Variants in ZNF804B observed in about 807,000 individuals in gnomAD.
ZNF804B encodes the protein zinc finger 804B.
In ZNF804B, 80 loss-of-function variants were observed where a neutral mutation model predicts 101.4. That is an observed-to-expected ratio of 0.79 (90% CI 0.66 to 0.95). The LOEUF (loss-of-function observed/expected upper bound fraction) is 0.95. Among genes scored for constraint, ZNF804B ranks in the 40% least tolerant of loss-of-function variants. The pLI, the probability that ZNF804B is intolerant of heterozygous loss-of-function variation, is 0.00. For missense variants in ZNF804B, 1,673 were observed against 1,561.9 expected (o/e 1.07, Z -1.20); for synonymous variants, 622 against 558.8 (o/e 1.11, Z -1.59).
intron 1 of ZNF804B, among the ~76,000 whole-genome samples, chr7:89,108,211 T>C (rs931511879): frequency 7.1e-6 from 1 of 141,390 alleles, no homozygotes; most frequent in Non-Finnish European, 1.5e-5. Flanking sequence ...TATGAAGTTA[T>C]ATAATTAGCT....
intron 2 of ZNF804B, among the ~76,000 whole-genome samples, chr7:89,272,343 A>G (rs925577164): frequency 9.2e-4 from 140 of 152,222 alleles, no homozygotes; most frequent in African/African-American, 3.3e-3. Context: ...TCTAAATTGG[A>G]ATCATAATTT....
chr7:88,971,938 C>T (rs574643241), intron 1 of ZNF804B, among the ~76,000 whole-genome samples: 8 of 151,424 alleles, frequency 5.3e-5, no homozygotes, highest in Admixed American at 1.3e-4. Context: ...TATCTTTTAC[C>T]GCTTTTCCAG....
chr7:88,840,259 A>T (rs1791275602), intron 1 of ZNF804B, among the ~76,000 whole-genome samples: 1 of 152,158 alleles, frequency 6.6e-6, no homozygotes, highest in African/African-American at 2.4e-5. Flanking sequence ...TCAGTTGTTC[A>T]TCTAAAGCAT....
chr7:89,242,898 T>C (rs543636090), intron 2 of ZNF804B, among the ~76,000 whole-genome samples: 132 of 151,970 alleles, frequency 8.7e-4, no homozygotes, highest in African/African-American at 2.9e-3. Flanking sequence ...CTATATAGTA[T>C]AGCAGTGCTG....
chr7:89,246,017 C>A (rs532182868), intron 2 of ZNF804B, among the ~76,000 whole-genome samples: 1 of 152,252 alleles, frequency 6.6e-6, no homozygotes, highest in South Asian at 2.1e-4. Flanking sequence ...TTTCCCAGAC[C>A]TGAGACCGAG....
chr7:89,177,621 A>T (rs1318027871), intron 1 of ZNF804B, among the ~76,000 whole-genome samples: 1 of 152,172 alleles, frequency 6.6e-6, no homozygotes, highest in Non-Finnish European at 1.5e-5. Context: ...TATTAGGTCC[A>T]TTTGGTCAAT....
In ZNF804B at chr7:89,334,381, A is replaced by G. The variant is rs1248927062; in HGVS notation, c.1399A>G (p.Thr467Ala). ...WPTELLLFTKTEPCISYGCNP... is the reference protein window; with the variant it reads ...WPTELLLFTKAEPCISYGCNP... ...TACGGAACTTCTGCTCTTTACAAAA[A>G]CAGAACCCTGTATCTCTTATGGCTG... Residue 467 changes from threonine to alanine, a missense_variant, in exon 4 of 4, where the codon ACA becomes GCA. Transcript: ENST00000333190. The G allele has an allele frequency of 1.2e-6, 2 of 1,613,700 alleles. No homozygotes were observed. Among genetic ancestry groups the G allele is most frequent in the Admixed American group, 3.3e-5 (2 of 59,900 alleles).
intron 2 of ZNF804B, among the ~76,000 whole-genome samples, chr7:89,316,858 CAGG>C (rs150402043): frequency 0.11 from 17,259 of 152,170 alleles, 1,266 homozygotes; most frequent in South Asian, 0.18. Context: ...GTACTGCAAA[CAGG>C]AGAAGTCTGC....
chr7:89,235,073 T>C (rs1288760040), intron 2 of ZNF804B, among the ~76,000 whole-genome samples: 1 of 152,154 alleles, frequency 6.6e-6, no homozygotes, highest in Non-Finnish European at 1.5e-5. Context: ...AAATATATTT[T>C]TTATTTTTAT....
chr7:89,024,483 C>T (rs1221078460), intron 1 of ZNF804B, among the ~76,000 whole-genome samples: 1 of 151,900 alleles, frequency 6.6e-6, no homozygotes, highest in East Asian at 1.9e-4. Context: ...GTTCTGTTCA[C>T]TACAAAGTCT....
intron 1 of ZNF804B, among the ~76,000 whole-genome samples, chr7:89,074,656 T>C (rs1481420944): frequency 1.3e-5 from 2 of 152,114 alleles, no homozygotes; most frequent in Non-Finnish European, 2.9e-5. Context: ...ATACAGTAAA[T>C]TGGTACCAGT....
At chr7:89,173,431 C>G (rs1366145360) in intron 1 of ZNF804B, among the ~76,000 whole-genome samples, 1 of 151,700 alleles carries the variant, frequency 6.6e-6, no homozygotes, top group African/African-American at 2.4e-5. Flanking sequence ...TAAAGCTGAT[C>G]CTATGTGTAC....
At chr7:89,330,086 C>A (rs1299492544) in intron 3 of ZNF804B, among the ~76,000 whole-genome samples, 1 of 151,412 alleles carries the variant, frequency 6.6e-6, no homozygotes, top group Non-Finnish European at 1.5e-5. Flanking sequence ...ACTTTATTAA[C>A]CATTATTTTA....
At chr7:89,041,478 G>T (rs1300567888) in intron 1 of ZNF804B, among the ~76,000 whole-genome samples, 4 of 152,162 alleles carry the variant, frequency 2.6e-5, no homozygotes, top group African/African-American at 9.7e-5. Context: ...TGGAGCCTGA[G>T]GCCATGAGGG....
chr7:89,017,691 T>A (rs1788591769), intron 1 of ZNF804B, among the ~76,000 whole-genome samples: 1 of 152,202 alleles, frequency 6.6e-6, no homozygotes, highest in Non-Finnish European at 1.5e-5. Context: ...GTTCATCAAT[T>A]TCTTTCATCA....
At chr7:89,282,177 G>A (rs889743593) in intron 2 of ZNF804B, among the ~76,000 whole-genome samples, 2 of 143,896 alleles carry the variant, frequency 1.4e-5, no homozygotes, top group African/African-American at 5.2e-5. Context: ...CTCCAGCCTG[G>A]GCGACAGAGC....
intron 1 of ZNF804B, among the ~76,000 whole-genome samples, chr7:88,834,532 G>T (rs2115790656): frequency 6.6e-6 from 1 of 151,802 alleles, no homozygotes; most frequent in East Asian, 1.9e-4. Flanking sequence ...AGTTCTTGAA[G>T]AAACTTATGA....
At chr7:88,982,841 C>T (rs1793710756) in intron 1 of ZNF804B, among the ~76,000 whole-genome samples, 1 of 152,010 alleles carries the variant, frequency 6.6e-6, no homozygotes, top group African/African-American at 2.4e-5. Context: ...TCACCTTCAT[C>T]ACTCTTACTA....
intron 1 of ZNF804B, among the ~76,000 whole-genome samples, chr7:88,833,326 A>C (rs1253958474): frequency 6.6e-6 from 1 of 151,922 alleles, no homozygotes; most frequent in Admixed American, 6.6e-5. Context: ...AATTTGAGGA[A>C]ATTACTTAAC....
Sources: gnomAD v4.1 joint callset for allele counts (sites outside exome capture counted in the v4.1 genomes callset) on GRCh38, gnomAD v4.1.1 for gene constraint, MANE v1.5 for transcripts, NCBI Gene and HGNC (gene_info 2026-07-23, HGNC 2026-07-21) for gene names.